RGS6: variants seen among roughly 807,000 people sequenced by gnomAD.
RGS6 encodes regulator of G-protein signaling 6.
In RGS6, 30 loss-of-function variants were observed where a neutral mutation model predicts 78.5. The ratio of observed to expected loss-of-function variants is 0.38; its 90% CI spans 0.29 to 0.52. The LOEUF (loss-of-function observed/expected upper bound fraction) is 0.52. RGS6 is among the 20% of genes least tolerant of loss of function. The pLI, the probability that RGS6 is intolerant of heterozygous loss-of-function variation, is 0.85. For missense variants in RGS6, 495 were observed against 609.7 expected, an observed-to-expected ratio of 0.81 and a Z score of 1.98; for synonymous variants, 206 against 206.0, an observed-to-expected ratio of 1.00 and a Z score of 0.00.
At chr14:72,166,488 C>G (rs1251697419) in intron 2 of RGS6, among the ~76,000 whole-genome samples, 6 of 152,120 alleles carry the variant, frequency 3.9e-5, no homozygotes, top group African/African-American at 1.4e-4. Context: ...TTCACATACT[C>G]AGGAGCTTCT....
rs967531453 is a variant in RGS6 at position 72,297,869 on chromosome 14, G to A, written c.85-54226G>A. Among the ~76,000 whole-genome samples, 27 of 151,402 alleles carry A rather than the reference G, an allele frequency of 1.8e-4. 1 individual carries two copies. Among genetic ancestry groups the A allele is most frequent in the African/African-American group, 6.1e-4 (25 of 41,256 alleles). ...TTATTCCTAAGTACTTTCTGTTTTG[G>A]GAAGCTATTTTAAATAGTATTTTAA... On this transcript the variant is annotated intron_variant, in intron 2 of 17. Transcript: ENST00000553525.
the RGS6 span, among the ~76,000 whole-genome samples, chr14:71,881,109 A>G: frequency 6.6e-6 from 1 of 152,210 alleles, no homozygotes. Flanking sequence ...TCAGACTTGC[A>G]TGGGACCTTC....
At chr14:72,255,556 T>C (rs1371352411) in intron 2 of RGS6, among the ~76,000 whole-genome samples, 1 of 152,186 alleles carries the variant, frequency 6.6e-6, no homozygotes, top group African/African-American at 2.4e-5. Flanking sequence ...GAATTTGTTT[T>C]CTCATTGGTT....
chr14:71,954,075 C>T (rs1172776154), intron 1 of RGS6, among the ~76,000 whole-genome samples: 1 of 140,924 alleles, frequency 7.1e-6, no homozygotes, highest in Non-Finnish European at 1.5e-5. Flanking sequence ...GGTAAGGAAT[C>T]TGGCTTCTTT....
chr14:72,355,921 G>C (rs1029416398), intron 3 of RGS6, among the ~76,000 whole-genome samples: 1 of 152,160 alleles, frequency 6.6e-6, no homozygotes, highest in Non-Finnish European at 1.5e-5. Flanking sequence ...AGCTATAATA[G>C]AGTCAAGAAA....
At chr14:72,520,169 C>T (rs564633218) in intron 15 of RGS6, among the ~76,000 whole-genome samples, 28 of 152,216 alleles carry the variant, frequency 1.8e-4, no homozygotes, top group Admixed American at 3.9e-4. Flanking sequence ...AAAAAAAGAT[C>T]CTTTTGTTTT....
At chr14:72,440,817 T>G (rs565573657) in intron 3 of RGS6, among the ~76,000 whole-genome samples, 2 of 151,986 alleles carry the variant, frequency 1.3e-5, no homozygotes, top group Non-Finnish European at 2.9e-5. Flanking sequence ...TTTTAGGGGG[T>G]GGGAACATAT....
At chr14:72,309,046 T>A (rs958774395) in intron 2 of RGS6, among the ~76,000 whole-genome samples, 4 of 152,260 alleles carry the variant, frequency 2.6e-5, no homozygotes, top group Non-Finnish European at 5.9e-5. Flanking sequence ...TGGAATGTCC[T>A]CTTGATTTTA....
chr14:72,515,451 A>G (rs1188181487), intron 14 of RGS6, among the ~76,000 whole-genome samples: 1 of 152,226 alleles, frequency 6.6e-6, no homozygotes, highest in African/African-American at 2.4e-5. Flanking sequence ...GGATCACTTG[A>G]GGCCAGGAGT....
chr14:72,499,106 A>G (rs963904322), intron 13 of RGS6, among the ~76,000 whole-genome samples: 2 of 151,880 alleles, frequency 1.3e-5, no homozygotes, highest in Non-Finnish European at 2.9e-5. Context: ...ATGTCTTTCT[A>G]TTTCCTCGCC....
At chr14:72,257,714 G>A (rs2153872179) in intron 2 of RGS6, among the ~76,000 whole-genome samples, 1 of 152,230 alleles carries the variant, frequency 6.6e-6, no homozygotes, top group South Asian at 2.1e-4. Context: ...GAGCCCTGAG[G>A]ATTGGTCACC....
At chr14:72,518,247 A>T in intron 14 of RGS6, 104 bp from the exon 15 acceptor site, 1 of 1,071,504 alleles carries the variant, frequency 9.3e-7, no homozygotes, top group South Asian at 1.6e-5. Flanking sequence ...AGGCTGAGAG[A>T]TGCAGCAGAA....
At chr14:72,448,886 T>A (rs2095429119) in intron 3 of RGS6, among the ~76,000 whole-genome samples, 1 of 152,344 alleles carries the variant, frequency 6.6e-6, no homozygotes, top group South Asian at 2.1e-4. Context: ...CTTGAGCCTC[T>A]CTGGGCCTAA....
intron 2 of RGS6, among the ~76,000 whole-genome samples, chr14:72,107,851 C>A (rs983987209): frequency 6.6e-6 from 1 of 152,014 alleles, no homozygotes; most frequent in African/African-American, 2.4e-5. Flanking sequence ...CCACATTACA[C>A]ACACAATATT....
chr14:71,879,647 C>A, the RGS6 span, among the ~76,000 whole-genome samples: 1 of 152,184 alleles, frequency 6.6e-6, no homozygotes, highest in Non-Finnish European at 1.5e-5. Flanking sequence ...GGTTCTCATT[C>A]TCTCTTGTCT....
intron 6 of RGS6, among the ~76,000 whole-genome samples, chr14:72,462,584 G>A (rs2095808830): frequency 6.6e-6 from 1 of 152,202 alleles, no homozygotes; most frequent in Non-Finnish European, 1.5e-5. Context: ...CTCAATGGAA[G>A]CAGTAGCTGC....
chr14:72,053,235 T>C (rs1343533339), intron 2 of RGS6, among the ~76,000 whole-genome samples: 4 of 150,242 alleles, frequency 2.7e-5, no homozygotes, highest in Admixed American at 1.3e-4. Flanking sequence ...TTCTCCTGCC[T>C]CAACCTCCCG....
At chr14:71,948,153 C>T (rs1323568896) in intron 1 of RGS6, among the ~76,000 whole-genome samples, 1 of 152,136 alleles carries the variant, frequency 6.6e-6, no homozygotes, top group East Asian at 1.9e-4. Context: ...TTCTATGGCA[C>T]GAGAGAAGAA....
chr14:72,401,684 A>C (rs1051681865), intron 3 of RGS6, among the ~76,000 whole-genome samples: 3 of 152,232 alleles, frequency 2.0e-5, no homozygotes, highest in Non-Finnish European at 4.4e-5. Flanking sequence ...CTCTTACTGA[A>C]GAGCTGAAAT....
Sources: gnomAD v4.1 joint callset for allele counts (sites outside exome capture counted in the v4.1 genomes callset) on GRCh38, gnomAD v4.1.1 for gene constraint, MANE v1.5 for transcripts, NCBI Gene and HGNC (gene_info 2026-07-23, HGNC 2026-07-21) for gene names.